THRA: variants seen among roughly 807,000 people sequenced by gnomAD.
The protein encoded by THRA is EAR-7.
A neutral mutation model predicts 45.0 loss-of-function variants in THRA; 13 were observed. The ratio of observed to expected loss-of-function variants is 0.29; its 90% CI spans 0.19 to 0.46. The LOEUF is 0.46. THRA is among the 20% of genes least tolerant of loss of function. The pLI, the probability that THRA is intolerant of heterozygous loss-of-function variation, is 1.00. For missense variants in THRA, 278 were observed against 556.1 expected (o/e 0.50, Z 5.03); for synonymous variants, 195 against 214.0 (o/e 0.91, Z 0.78).
downstream of THRA, chr17:40,093,630 G>A: frequency 1.5e-6 from 1 of 677,726 alleles, no homozygotes; most frequent in South Asian, 2.0e-5. The surrounding 1 kb of genome is among the most constrained non-coding windows in gnomAD (Gnocchi z 5.9). Flanking sequence ...CATCTTACTT[G>A]TCCTTTGAGG....
At chr17:40,067,926 C>T (rs748442112) in intron 1 of THRA, among the ~76,000 whole-genome samples, 10 of 152,114 alleles carry the variant, frequency 6.6e-5, no homozygotes, top group Non-Finnish European at 8.8e-5. Context: ...AGGCTGAGGC[C>T]GGAGGATCGC....
intron 1 of THRA, among the ~76,000 whole-genome samples, chr17:40,073,243 G>A (rs951875412): frequency 7.2e-5 from 11 of 152,194 alleles, no homozygotes; most frequent in Non-Finnish European, 4.4e-5. Flanking sequence ...CAGACAGTAA[G>A]CCACAGGTCT....
chr17:40,093,699 C>T, downstream of THRA: 1 of 636,560 alleles, frequency 1.6e-6, no homozygotes, highest in Non-Finnish European at 2.7e-6. The surrounding 1 kb of genome is among the most constrained non-coding windows in gnomAD (Gnocchi z 5.9). Flanking sequence ...GTTGTCTGTG[C>T]TTCCTTGGTT....
At position 40,085,918 on chromosome 17, in the gene THRA, A is replaced by ACTACT. The variant is rs1394503541; in HGVS notation, c.577-789_577-788insCTACT. On this transcript the variant is annotated intron_variant, in intron 6 of 8. Transcript: ENST00000450525. Reference sequence around the variant, plus strand: ...TGGCCTCCCAAAGTGCTGGGATTACAGGTGTGAGCTACTGCTCCCGGCCTC... The same window carrying ACTACT: ...TGGCCTCCCAAAGTGCTGGGATTACACTACTGGTGTGAGCTACTGCTCCCGGCCTC... Among the ~76,000 whole-genome samples the ACTACT allele has an allele frequency of 3.9e-5, 6 of 152,182 alleles. No homozygotes were observed. The East Asian group carries it at 1.2e-3, about 29-fold the overall frequency.
At chr17:40,066,846 C>T (rs184228872) in intron 1 of THRA, among the ~76,000 whole-genome samples, 167 of 152,228 alleles carry the variant, frequency 1.1e-3, no homozygotes, top group Non-Finnish European at 9.1e-4. Flanking sequence ...TTTGAGCAAG[C>T]GATTTAACTT....
At chr17:40,067,247 G>T (rs971184498) in intron 1 of THRA, among the ~76,000 whole-genome samples, 5 of 152,150 alleles carry the variant, frequency 3.3e-5, no homozygotes, top group Admixed American at 3.3e-4. Context: ...CTCAGCCTGG[G>T]ACACACCCCA....
In THRA at chr17:40,084,612, G is replaced by T; in HGVS notation, c.373G>T (p.Val125Phe). The T allele has an allele frequency of 6.2e-7, 1 of 1,614,098 alleles. No homozygotes were observed. Among genetic ancestry groups the T allele is most frequent in the Non-Finnish European group, 8.5e-7 (1 of 1,179,996 alleles). The change falls in exon 6 of 9, where the codon GTT becomes TTT. Residue 125 changes from valine to phenylalanine, a missense_variant and splice_region_variant. By Grantham distance (50) the Val-to-Phe change is conservative. Coordinates refer to ENST00000450525, the MANE Select transcript of THRA (RefSeq NM_199334.5). ...CIAVGMAMDL[V>F]LDDSKRVAKR... ...ACCTTGTGCCTCTCTGTTCACAGTGGTTCTAGATGACTCGAAGCGGGTGGC... is the reference window on the plus strand; with the variant it reads ...ACCTTGTGCCTCTCTGTTCACAGTGTTTCTAGATGACTCGAAGCGGGTGGC...
chr17:40,091,225 GC>G lies in THRA; in HGVS notation c.*1774del. The G allele has an allele frequency of 8.0e-6, 1 of 125,106 alleles. No individual in the cohort carries two copies. The highest frequency in any genetic ancestry group is 1.6e-5 in the Non-Finnish European group (1 of 63,138). 7.7% of individuals were successfully genotyped at this position (125,106 alleles called of 1,614,324 possible). On this transcript the variant is annotated 3_prime_UTR_variant, in exon 9 of 9. Transcript: ENST00000450525. ...CCACCCTGACCCTCAGCCTGCCACA[GC>G]CCCCTACACACACACACACACACAC... is the stretch of plus-strand genomic sequence containing the variant.
In THRA at chr17:40,074,325, A is replaced by C; in HGVS notation, c.-164A>C. 1 of 722,596 alleles carries C rather than the reference A, an allele frequency of 1.4e-6. No individual in the cohort carries two copies. The highest frequency in any genetic ancestry group is 1.7e-5 in the South Asian group (1 of 57,770). 44.8% of individuals were successfully genotyped at this position (722,596 alleles called of 1,614,324 possible). A position where few individuals can be genotyped will look rare whatever the true frequency, so the allele number is the denominator to read the frequency against. ...CCACCGCCCGCCCCCCTTGGGGCGC[A>C]GGGCATGGTGTGAAAGGCCAAGTGC... is the stretch of plus-strand genomic sequence containing the variant. On this transcript the variant is annotated 5_prime_UTR_variant, in exon 2 of 9. Coordinates refer to ENST00000450525, the MANE Select transcript of THRA (RefSeq NM_199334.5).
chr17:40,087,765 T>C (rs1052516361), intron 7 of THRA, among the ~76,000 whole-genome samples: 3 of 152,080 alleles, frequency 2.0e-5, no homozygotes, highest in African/African-American at 7.2e-5. Context: ...GCATAATTTT[T>C]TTTTCTTTTT....
intron 7 of THRA, among the ~76,000 whole-genome samples, chr17:40,087,227 A>T (rs1162828610): frequency 6.7e-6 from 1 of 149,466 alleles, no homozygotes; most frequent in Admixed American, 6.7e-5. Flanking sequence ...ACACACAGAC[A>T]CACACCCAGC....
intron 1 of THRA, among the ~76,000 whole-genome samples, chr17:40,064,655 C>T (rs1986488457): frequency 1.3e-5 from 2 of 152,222 alleles, no homozygotes; most frequent in African/African-American, 4.8e-5. Context: ...ATGACATGTT[C>T]TTGGTCTCTA....
chr17:40,064,876 C>T (rs1001070280), intron 1 of THRA, among the ~76,000 whole-genome samples: 5 of 152,164 alleles, frequency 3.3e-5, no homozygotes, highest in Non-Finnish European at 7.4e-5. Context: ...GGCCCAGGTC[C>T]CCACAGTTGC....
intron 6 of THRA, among the ~76,000 whole-genome samples, chr17:40,085,233 A>G (rs1987280999): frequency 6.6e-6 from 1 of 152,216 alleles, no homozygotes; most frequent in African/African-American, 2.4e-5. Flanking sequence ...GCAGTGGCTC[A>G]TGCCTGTAAT....
intron 6 of THRA, 76 bp from the exon 7 acceptor site, chr17:40,086,631 C>A: frequency 6.4e-7 from 1 of 1,560,704 alleles, no homozygotes; most frequent in Non-Finnish European, 8.7e-7. Flanking sequence ...TTGGAGCTCC[C>A]CCTGGTGGGC....
At chr17:40,078,311 T>A (rs937684621) in intron 4 of THRA, among the ~76,000 whole-genome samples, 1 of 152,128 alleles carries the variant, frequency 6.6e-6, no homozygotes, top group Non-Finnish European at 1.5e-5. Context: ...AGTGAGACAC[T>A]GTCTCTACAA....
chr17:40,088,812 C>T (rs1362764279), intron 8 of THRA, among the ~76,000 whole-genome samples: 5 of 151,564 alleles, frequency 3.3e-5, no homozygotes, highest in African/African-American at 9.7e-5. Context: ...AGCCACCTTC[C>T]ATCCCCTCAT....
In THRA at chr17:40,075,292, C is replaced by A. The variant is rs140614694; in HGVS notation, c.53+751C>A. On this transcript the variant is annotated intron_variant, in intron 2 of 8. Coordinates refer to ENST00000450525, the MANE Select transcript of THRA (RefSeq NM_199334.5). Reference sequence around the variant, plus strand: ...AGCTGGGTACAGCCTGTGCCTATGGCCAGGGAGAGGGTGGGGGTGGGGGTG... The same window carrying A: ...AGCTGGGTACAGCCTGTGCCTATGGACAGGGAGAGGGTGGGGGTGGGGGTG... Among the ~76,000 whole-genome samples, 934 of 115,906 alleles carry A rather than the reference C, an allele frequency of 8.1e-3. 4 individuals carry two copies. The highest frequency in any genetic ancestry group is 0.073 in the Middle Eastern group (16 of 218). The allele number at this position is 115,906 out of a possible 152,430, so 76.0% of individuals were successfully genotyped here. A position where few individuals can be genotyped will look rare whatever the true frequency, so the allele number is the denominator to read the frequency against.
intron 1 of THRA, among the ~76,000 whole-genome samples, chr17:40,066,897 C>T (rs1009147169): frequency 6.6e-6 from 1 of 152,256 alleles, no homozygotes; most frequent in South Asian, 2.1e-4. Context: ...ATCATATCTA[C>T]CTCATTTAGC....
Sources: allele counts gnomAD v4.1 joint callset (sites outside exome capture counted in the v4.1 genomes callset), GRCh38; gene constraint gnomAD v4.1.1; non-coding constraint Gnocchi (gnomAD v3.1); transcripts MANE v1.5; gene names NCBI Gene and HGNC (gene_info 2026-07-23, HGNC 2026-07-21).